Variants in LUZP2 observed in about 807,000 individuals in gnomAD.
The protein encoded by LUZP2 is leucine zipper protein 2.
LUZP2 carries 52 observed loss-of-function variants against 51.6 expected under a neutral mutation model. The ratio of observed to expected loss-of-function variants is 1.01; its 90% CI spans 0.81 to 1.27. LUZP2 has a LOEUF of 1.27. Ranked by LOEUF, LUZP2 falls within the 50% of genes most tolerant of loss-of-function variation. LUZP2 has a pLI of 0.00. For missense variants in LUZP2, 436 were observed against 395.4 expected, an observed-to-expected ratio of 1.10 and a Z score of -0.87; for synonymous variants, 154 against 137.3, an observed-to-expected ratio of 1.12 and a Z score of -0.85.
Position 24,946,632 on chromosome 11 carries a change from CT to C in LUZP2, c.523-29951del, listed in dbSNP as rs140770882. ...ATATAGCTCCTTTGCCCCAACCCTT[CT>C]TTTTTTTCTAATATTTTTTACATAT... On this transcript the variant is annotated intron_variant, in intron 7 of 11. Transcript: ENST00000336930. Among the ~76,000 whole-genome samples, 937 of 151,630 alleles carry C rather than the reference CT, an allele frequency of 6.2e-3. 15 individuals are homozygous for C. The highest frequency in any genetic ancestry group is 0.06 in the East Asian group (311 of 5,166).
chr11:24,869,447 C>A (rs1851991092), intron 5 of LUZP2, among the ~76,000 whole-genome samples: 1 of 147,710 alleles, frequency 6.8e-6, no homozygotes, highest in African/African-American at 2.5e-5. Flanking sequence ...CAAACTTTTC[C>A]ATCATTATTA....
At chr11:24,947,756 C>T (rs965223278) in intron 7 of LUZP2, among the ~76,000 whole-genome samples, 1 of 151,696 alleles carries the variant, frequency 6.6e-6, no homozygotes, top group Non-Finnish European at 1.5e-5. Context: ...CTGTTTTATC[C>T]TTCAATACTT....
chr11:24,814,048 G>A (rs1239713299), intron 5 of LUZP2, among the ~76,000 whole-genome samples: 2 of 152,330 alleles, frequency 1.3e-5, no homozygotes, highest in African/African-American at 2.4e-5. Context: ...ACAATTGGTA[G>A]TGTTAGCTAT....
At chr11:24,707,211 CAG>C in intron 1 of LUZP2, among the ~76,000 whole-genome samples, 1 of 152,062 alleles carries the variant, frequency 6.6e-6, no homozygotes, top group South Asian at 2.1e-4. Context: ...GCCTAAGTCA[CAG>C]AGCTACTAAC....
intron 1 of LUZP2, among the ~76,000 whole-genome samples, chr11:24,579,510 C>A (rs1852775332): frequency 6.6e-6 from 1 of 152,058 alleles, no homozygotes; most frequent in Non-Finnish European, 1.5e-5. Flanking sequence ...ATTGTTGTAA[C>A]TACTCAAATT....
At position 24,763,228 on chromosome 11, in the gene LUZP2, T is replaced by G. The variant is rs765852442; in HGVS notation, c.334-18T>G. 4.2e-6 allele frequency: 5 copies of G among 1,190,970 alleles called. 1 individual carries two copies. In the South Asian group the frequency reaches 9.2e-5, roughly 22 times the overall value. The allele number at this position is 1,190,970 out of a possible 1,614,324, so 73.8% of individuals were successfully genotyped here. A position where few individuals can be genotyped will look rare whatever the true frequency, so the allele number is the denominator to read the frequency against. On this transcript the variant is annotated intron_variant, in intron 4 of 11. Transcript: ENST00000336930. Reference sequence around the variant, plus strand: ...ATGAGTTTGGAATGTGTCTACATAATAGTCTATTCATTTTCAGATTAATTT... The same window carrying G: ...ATGAGTTTGGAATGTGTCTACATAAGAGTCTATTCATTTTCAGATTAATTT...
At chr11:24,983,605 A>G (rs1353337140) in intron 9 of LUZP2, among the ~76,000 whole-genome samples, 1 of 151,796 alleles carries the variant, frequency 6.6e-6, no homozygotes, top group Admixed American at 6.6e-5. Context: ...ATTGAAATAA[A>G]CATCACAGGT....
intron 5 of LUZP2, among the ~76,000 whole-genome samples, chr11:24,836,870 A>G (rs1209396142): frequency 2.0e-5 from 3 of 151,866 alleles, no homozygotes; most frequent in African/African-American, 7.2e-5. Flanking sequence ...CACTGTATCA[A>G]TGTTGATTTC....
chr11:24,576,660 A>C (rs1303808459), intron 1 of LUZP2, among the ~76,000 whole-genome samples: 2 of 152,066 alleles, frequency 1.3e-5, no homozygotes, highest in Non-Finnish European at 2.9e-5. Context: ...GGTAATTGAC[A>C]AAGTGAAAAT....
intron 5 of LUZP2, among the ~76,000 whole-genome samples, chr11:24,841,259 C>T (rs1590624546): frequency 6.6e-6 from 1 of 151,982 alleles, no homozygotes. Flanking sequence ...GCTTTCTCTG[C>T]CATGTTAGGA....
At chr11:24,616,396 G>A (rs1289506718) in intron 1 of LUZP2, among the ~76,000 whole-genome samples, 3 of 151,634 alleles carry the variant, frequency 2.0e-5, no homozygotes, top group Non-Finnish European at 4.4e-5. Context: ...TTTGAGTAAA[G>A]TATGGGCTTT....
chr11:25,078,267 A>C (rs544541837), intron 11 of LUZP2, among the ~76,000 whole-genome samples: 1 of 152,360 alleles, frequency 6.6e-6, no homozygotes, highest in East Asian at 1.9e-4. Context: ...GATTTAACTT[A>C]TTTTCAAACT....
intron 10 of LUZP2, among the ~76,000 whole-genome samples, chr11:25,067,133 T>A (rs1445844740): frequency 1.3e-5 from 2 of 152,000 alleles, no homozygotes; most frequent in East Asian, 3.9e-4. Context: ...TCTGATTACA[T>A]GTAGTGTAGG....
intron 9 of LUZP2, among the ~76,000 whole-genome samples, chr11:24,986,868 G>T (rs1177046728): frequency 1.3e-5 from 2 of 151,644 alleles, no homozygotes; most frequent in Admixed American, 6.6e-5. Flanking sequence ...TAGTTTAAAA[G>T]ATATGAATTA....
intron 5 of LUZP2, among the ~76,000 whole-genome samples, chr11:24,838,735 A>G (rs1035450004): frequency 1.3e-5 from 2 of 151,742 alleles, no homozygotes; most frequent in Non-Finnish European, 3.0e-5. Context: ...TTCATATAGT[A>G]TCATGAGATA....
At chr11:24,585,616 AACCCACAAG>A (rs1763346602) in intron 1 of LUZP2, among the ~76,000 whole-genome samples, 1 of 152,114 alleles carries the variant, frequency 6.6e-6, no homozygotes, top group Non-Finnish European at 1.5e-5. Flanking sequence ...AAAACAAACC[AACCCACAAG>A]AACAACAACA....
chr11:24,583,706 CTT>C (rs34143667), intron 1 of LUZP2, among the ~76,000 whole-genome samples: 12 of 141,282 alleles, frequency 8.5e-5, no homozygotes, highest in African/African-American at 5.2e-5. Context: ...GTATACCTTA[CTT>C]TTTTTTTTTT....
intron 1 of LUZP2, among the ~76,000 whole-genome samples, chr11:24,542,176 G>A (rs969682935): frequency 8.6e-5 from 13 of 151,978 alleles, no homozygotes; most frequent in African/African-American, 3.1e-4. Context: ...AAAGAGTGAG[G>A]ACAGAGAAAA....
chr11:24,873,247 G>A (rs570168515), intron 5 of LUZP2, among the ~76,000 whole-genome samples: 1 of 152,068 alleles, frequency 6.6e-6, no homozygotes, highest in African/African-American at 2.4e-5. Context: ...AAAGTGAAAT[G>A]GTATTTAGTA....
Sources: gnomAD v4.1 joint callset for allele counts (sites outside exome capture counted in the v4.1 genomes callset) on GRCh38, gnomAD v4.1.1 for gene constraint, MANE v1.5 for transcripts, NCBI Gene and HGNC (gene_info 2026-07-23, HGNC 2026-07-21) for gene names.